IL1RAPL1: variants seen among roughly 807,000 people sequenced by gnomAD.
The protein encoded by IL1RAPL1 is interleukin 1 receptor accessory protein like 1, also known as interleukin-1 receptor accessory protein-like 1.
A neutral mutation model predicts 48.4 loss-of-function variants in IL1RAPL1; 3 were observed. The observed-to-expected ratio is 0.06, with a 90% CI of 0.03 to 0.16. IL1RAPL1 has a LOEUF of 0.16. IL1RAPL1 is among the 10% of genes least tolerant of loss of function. IL1RAPL1 has a pLI of 1.00. For missense variants in IL1RAPL1, 349 were observed against 530.6 expected (o/e 0.66, Z 3.36); for synonymous variants, 185 against 187.7 (o/e 0.99, Z 0.12).
chrX:29,263,867 C>T lies in IL1RAPL1; in HGVS notation c.83-19071C>T, dbSNP rs368279452. ...TCTCTTTCTCTCTCTCTCTCCCCCC[C>T]CCCCGCTCTCATAGAGCAATGTTAA... On this transcript the variant is annotated intron_variant, in intron 2 of 10. Transcript: ENST00000378993. Among the ~76,000 whole-genome samples the T allele has an allele frequency of 1.9e-4, 19 of 99,723 alleles. 1 individual carries two copies. Among genetic ancestry groups the T allele is most frequent in the Admixed American group, 1.5e-3 (14 of 9,155 alleles). The allele number at this position is 99,723 out of a possible 115,157, so 86.6% of individuals were successfully genotyped here.
chrX:28,807,162 C>T (rs1936742691), intron 2 of IL1RAPL1, among the ~76,000 whole-genome samples: 1 of 111,067 alleles, frequency 9.0e-6, no homozygotes, highest in Non-Finnish European at 1.9e-5. Flanking sequence ...ATAAATCTTT[C>T]TCAATTTAAA....
At chrX:29,428,871 A>G (rs947167304) in intron 5 of IL1RAPL1, among the ~76,000 whole-genome samples, 14 of 111,563 alleles carry the variant, frequency 1.3e-4, no homozygotes, top group African/African-American at 4.6e-4. Flanking sequence ...ACCCCTTACC[A>G]TCATCTGTCT....
chrX:29,697,939 G>A (rs191164045), intron 6 of IL1RAPL1, among the ~76,000 whole-genome samples: 1 of 111,143 alleles, frequency 9.0e-6, no homozygotes, highest in Non-Finnish European at 1.9e-5. Context: ...ATGGACCATG[G>A]CACCATGCTT....
chrX:29,254,412 A>G (rs1273369412), intron 2 of IL1RAPL1, among the ~76,000 whole-genome samples: 2 of 110,766 alleles, frequency 1.8e-5, no homozygotes, highest in African/African-American at 6.6e-5. Flanking sequence ...AATATGTATA[A>G]ATGTTTCCGT....
At chrX:29,789,787 T>C (rs930041127) in intron 6 of IL1RAPL1, among the ~76,000 whole-genome samples, 6 of 106,533 alleles carry the variant, frequency 5.6e-5, no homozygotes, top group African/African-American at 1.7e-4. Context: ...TTTCTTTTTT[T>C]TTTTTTTTTT....
intron 2 of IL1RAPL1, among the ~76,000 whole-genome samples, chrX:29,019,888 A>T (rs896650400): frequency 8.9e-6 from 1 of 112,381 alleles, no homozygotes; most frequent in Non-Finnish European, 1.9e-5. Context: ...AGCTTATCAG[A>T]GATGCTGACA....
intron 5 of IL1RAPL1, among the ~76,000 whole-genome samples, chrX:29,420,975 A>G (rs770072873): frequency 8.9e-6 from 1 of 112,380 alleles, no homozygotes; most frequent in South Asian, 3.7e-4. Context: ...AAGTCAGCAC[A>G]AAATTTATTC....
intron 1 of IL1RAPL1, among the ~76,000 whole-genome samples, chrX:28,614,162 A>T (rs1386220706): frequency 3.0e-5 from 3 of 99,033 alleles, no homozygotes; most frequent in African/African-American, 1.1e-4. Flanking sequence ...TCTTGGGCAG[A>T]CCATAAGCTT....
chrX:29,566,138 A>G (rs866360116), intron 5 of IL1RAPL1, among the ~76,000 whole-genome samples: 1 of 111,325 alleles, frequency 9.0e-6, no homozygotes, highest in African/African-American at 3.3e-5. Flanking sequence ...ACGGGGTTTC[A>G]CCGTGTTAGC....
chrX:28,697,515 G>C (rs1247004055), intron 1 of IL1RAPL1, among the ~76,000 whole-genome samples: 2 of 110,847 alleles, frequency 1.8e-5, no homozygotes, highest in Non-Finnish European at 3.8e-5. Flanking sequence ...GCCTTTGATA[G>C]ATCAGGATTT....
intron 6 of IL1RAPL1, among the ~76,000 whole-genome samples, chrX:29,711,046 G>T (rs1401717951): frequency 3.1e-5 from 1 of 32,476 alleles, no homozygotes; most frequent in African/African-American, 1.5e-4. Flanking sequence ...TGAGCATGGT[G>T]TGTGTGTGTG....
At chrX:29,720,239 A>G (rs911166761) in intron 6 of IL1RAPL1, among the ~76,000 whole-genome samples, 1 of 111,747 alleles carries the variant, frequency 8.9e-6, no homozygotes, top group African/African-American at 3.3e-5. Context: ...TTGACCCAGC[A>G]ATCCCATTAC....
At chrX:29,661,515 T>A (rs183556895) in intron 5 of IL1RAPL1, among the ~76,000 whole-genome samples, 18 of 112,331 alleles carry the variant, frequency 1.6e-4, no homozygotes, top group Non-Finnish European at 2.6e-4. Flanking sequence ...TATGAAACTT[T>A]CCAAGACCAC....
At chrX:29,125,983 T>C (rs1928891615) in intron 2 of IL1RAPL1, among the ~76,000 whole-genome samples, 1 of 109,754 alleles carries the variant, frequency 9.1e-6, no homozygotes, top group African/African-American at 3.3e-5. Flanking sequence ...ATACATCATC[T>C]GTACCATGCG....
chrX:29,883,829 C>G (rs1345072020), intron 6 of IL1RAPL1, among the ~76,000 whole-genome samples: 2 of 112,345 alleles, frequency 1.8e-5, no homozygotes, highest in Non-Finnish European at 3.8e-5. Flanking sequence ...TGTGCAAAGA[C>G]TTTTCTTTGA....
chrX:29,881,266 G>A (rs926882285), intron 6 of IL1RAPL1, among the ~76,000 whole-genome samples: 2 of 111,128 alleles, frequency 1.8e-5, no homozygotes, highest in African/African-American at 6.5e-5. Context: ...AAGCTGTCAG[G>A]GAGCAGGACA....
intron 5 of IL1RAPL1, among the ~76,000 whole-genome samples, chrX:29,505,259 A>G (rs186840957): frequency 3.8e-4 from 42 of 111,933 alleles, no homozygotes; most frequent in African/African-American, 1.2e-3. Context: ...TTTGGGCTTC[A>G]TACTACAGTT....
At chrX:29,836,137 A>G (rs1487039650) in intron 6 of IL1RAPL1, among the ~76,000 whole-genome samples, 2 of 107,849 alleles carry the variant, frequency 1.9e-5, no homozygotes, top group African/African-American at 3.4e-5. Flanking sequence ...AAACTTTTAT[A>G]ACTGCTTTTG....
intron 3 of IL1RAPL1, among the ~76,000 whole-genome samples, chrX:29,333,043 A>G (rs1244484477): frequency 1.8e-5 from 2 of 112,262 alleles, no homozygotes; most frequent in African/African-American, 6.4e-5. Context: ...TCCCATGTCT[A>G]CTTCTATCCA....
Sources: allele counts gnomAD v4.1 joint callset (sites outside exome capture counted in the v4.1 genomes callset), GRCh38; gene constraint gnomAD v4.1.1; transcripts MANE v1.5; gene names NCBI Gene and HGNC (gene_info 2026-07-23, HGNC 2026-07-21).